Variants in PACS2 observed in about 807,000 individuals in gnomAD.
PACS2 encodes the protein phosphofurin acidic cluster sorting protein 2, also known as PACS1-like protein.
In PACS2, 36 loss-of-function variants were observed where a neutral mutation model predicts 113.0. That is an observed-to-expected ratio of 0.32 (90% CI 0.24 to 0.42). The LOEUF (loss-of-function observed/expected upper bound fraction) is 0.42. PACS2 is among the 10% of genes least tolerant of loss of function. The pLI is 1.00. For synonymous variants in PACS2, 589 were observed against 536.1 expected, an observed-to-expected ratio of 1.10 and a Z score of -1.36; for missense variants, 1,015 against 1,239.5, an observed-to-expected ratio of 0.82 and a Z score of 2.72.
upstream of PACS2, among the ~76,000 whole-genome samples, chr14:105,309,911 G>A (rs911796556): frequency 1.4e-4 from 20 of 147,984 alleles, no homozygotes; most frequent in African/African-American, 4.2e-4. The surrounding 1 kb of genome is among the most constrained non-coding windows in gnomAD (Gnocchi z 4.0). Flanking sequence ...TCAGCCTCCC[G>A]ACTAGCTGGG....
upstream of PACS2, among the ~76,000 whole-genome samples, chr14:105,309,576 A>C (rs1030695668): frequency 2.0e-5 from 3 of 152,184 alleles, no homozygotes; most frequent in African/African-American, 7.2e-5. This position sits in a 1 kb window ranked among gnomAD's most constrained non-coding sequence, Gnocchi z 4.0. Flanking sequence ...CCATGAGCCC[A>C]GGCAAATCTC....
intron 1 of PACS2, among the ~76,000 whole-genome samples, chr14:105,333,402 G>A (rs974723761): frequency 1.3e-5 from 2 of 152,250 alleles, no homozygotes; most frequent in Non-Finnish European, 2.9e-5. Context: ...TGCAGCACAG[G>A]CCGGCCAGTC....
Position 105,376,247 on chromosome 14 carries a change from G to T in PACS2, c.802-521G>T, listed in dbSNP as rs1405606588. Among the ~76,000 whole-genome samples the T allele has an allele frequency of 6.6e-6, 1 of 151,922 alleles. No homozygotes were observed. Among genetic ancestry groups the T allele is most frequent in the Non-Finnish European group, 1.5e-5 (1 of 67,980 alleles). Reference sequence around the variant, plus strand: ...CACAGTGGAACATGAAGTGTGCCACGCTGGGTGGATGACGCCCTCCTCCCC... The same window carrying T: ...CACAGTGGAACATGAAGTGTGCCACTCTGGGTGGATGACGCCCTCCTCCCC... On this transcript the variant is annotated intron_variant, in intron 8 of 24. Transcript: ENST00000447393. The surrounding 1 kb of genome is among the most constrained non-coding windows in gnomAD (Gnocchi z 4.7).
chr14:105,333,929 G>A (rs1441084862), intron 1 of PACS2, among the ~76,000 whole-genome samples: 2 of 152,290 alleles, frequency 1.3e-5, no homozygotes, highest in African/African-American at 2.4e-5. Flanking sequence ...TGCCTCACCC[G>A]GGCTAAAATA....
At position 105,314,990 on chromosome 14, in the gene PACS2, G is replaced by C. The variant is rs767806548; in HGVS notation, c.72G>C (p.Leu24=). 35 of 1,252,436 alleles carry C rather than the reference G, an allele frequency of 2.8e-5. No homozygotes were observed. The highest frequency in any genetic ancestry group is 3.6e-5 in the Non-Finnish European group (35 of 977,634). 77.6% of individuals were successfully genotyped at this position (1,252,436 alleles called of 1,614,324 possible). The change falls in exon 1 of 25, where the codon CTG becomes CTC. Residue 24 remains leucine, a synonymous_variant. Transcript: ENST00000447393. The part of the protein sequence containing the change: ...GALNTPVPMN[L]FATWEVDGSS... ...TCAACACGCCCGTGCCCATGAACCT[G>C]TTCGCCACCTGGGAGGTGGACGGCT...
At chr14:105,345,299 C>T (rs1392296088) in intron 1 of PACS2, among the ~76,000 whole-genome samples, 5 of 145,216 alleles carry the variant, frequency 3.4e-5, no homozygotes, top group East Asian at 2.1e-4. Context: ...CCCAGCTACT[C>T]GGGAGGCTGA....
intron 1 of PACS2, among the ~76,000 whole-genome samples, chr14:105,307,184 C>T (rs961463514): frequency 6.6e-6 from 1 of 150,700 alleles, no homozygotes; most frequent in African/African-American, 2.4e-5. Context: ...TACTGAGATC[C>T]CAGGCTTGAG....
intron 1 of PACS2, among the ~76,000 whole-genome samples, chr14:105,302,272 CG>C (rs965413586): frequency 7.0e-6 from 1 of 143,070 alleles, no homozygotes; most frequent in African/African-American, 2.6e-5. Flanking sequence ...GGTGAGATAT[CG>C]GCTCACTGCA....
rs118171678 is a variant in PACS2 at position 105,348,717 on chromosome 14, G to C, written c.207+137G>C. On this transcript the variant is annotated intron_variant, in intron 2 of 24. Transcript: ENST00000447393. The surrounding 1 kb of genome is among the most constrained non-coding windows in gnomAD (Gnocchi z 6.4). The stretch of plus-strand genomic sequence containing the variant: ...CAGCCCATGCCATCTCCGGGAGCCC[G>C]GGGGGCTGGGAATGACAGGATGCTC... 1.5e-5 allele frequency: 10 copies of C among 679,804 alleles called. No individual in the cohort carries two copies. Among genetic ancestry groups the C allele is most frequent in the Non-Finnish European group, 2.4e-5 (9 of 381,680 alleles). The allele number at this position is 679,804 out of a possible 1,614,324, so 42.1% of individuals were successfully genotyped here.
chr14:105,317,429 T>G lies in PACS2; in HGVS notation c.119+2392T>G, dbSNP rs745794128. Among the ~76,000 whole-genome samples the G allele has an allele frequency of 3.9e-5, 6 of 152,314 alleles. No homozygotes were observed. In the Middle Eastern group the frequency reaches 0.014, roughly 345 times the overall value. ...GGCAGTTTTCCAGAGTGGTTGTGCC[T>G]GCTCCGGCCCCCACTGACAGGGACG... On this transcript the variant is annotated intron_variant, in intron 1 of 24. Transcript: ENST00000447393. The surrounding 1 kb of genome is among the most constrained non-coding windows in gnomAD (Gnocchi z 4.2).
upstream of PACS2, among the ~76,000 whole-genome samples, chr14:105,310,597 C>A (rs2058327383): frequency 6.7e-6 from 1 of 148,156 alleles, no homozygotes; most frequent in Admixed American, 6.7e-5. Flanking sequence ...TTACAAAGAT[C>A]ATCCTCAATA....
intron 1 of PACS2, among the ~76,000 whole-genome samples, chr14:105,316,908 C>T (rs138143142): frequency 3.5e-3 from 533 of 151,874 alleles, no homozygotes; most frequent in East Asian, 0.012. Context: ...GGGCGAGTGG[C>T]GCAGCTGACC....
chr14:105,391,162 G>C, intron 20 of PACS2, 45 bp from the exon 21 acceptor site: 1 of 1,535,464 alleles, frequency 6.5e-7, no homozygotes, highest in Non-Finnish European at 9.0e-7. Flanking sequence ...CGCTGGGCTA[G>C]CTGAATTGCA....
chr14:105,315,432 C>CTT lies in PACS2; in HGVS notation c.119+396_119+397insTT, dbSNP rs905979900. 3.9e-5 allele frequency: 6 copies of CTT among 152,296 alleles called. No homozygotes were observed. The highest frequency in any genetic ancestry group is 1.4e-4 in the African/African-American group (6 of 41,470). The allele number at this position is 152,296 out of a possible 1,614,324, so 9.4% of individuals were successfully genotyped here. A position where few individuals can be genotyped will look rare whatever the true frequency, so the allele number is the denominator to read the frequency against. ...ACGCTTCCTTTCGCGTTCGGCGACA[C>CTT]TGTCAGACCTCGGCCTGGGAGCGAC... On this transcript the variant is annotated intron_variant, in intron 1 of 24. Coordinates refer to ENST00000447393, the MANE Select transcript of PACS2 (RefSeq NM_001100913.3). This position sits in a 1 kb window ranked among gnomAD's most constrained non-coding sequence, Gnocchi z 4.4.
At chr14:105,316,113 T>A (rs2140775350) in intron 1 of PACS2, among the ~76,000 whole-genome samples, 1 of 152,310 alleles carries the variant, frequency 6.6e-6, no homozygotes, top group Non-Finnish European at 1.5e-5. Context: ...ACAGTGGGGC[T>A]TGCCCTCCTG....
chr14:105,380,918 G>A, intron 11 of PACS2, 39 bp from the exon 12 acceptor site: 1 of 1,580,312 alleles, frequency 6.3e-7, no homozygotes. Context: ...CACGGGTGTG[G>A]TTTCCACGGG....
intron 19 of PACS2, 77 bp from the exon 20 acceptor site, chr14:105,389,884 A>G (rs953830500): frequency 3.3e-5 from 44 of 1,353,398 alleles, no homozygotes; most frequent in Non-Finnish European, 4.5e-5. Flanking sequence ...CCAGGTTCTC[A>G]GGCCAAGAGG....
At position 105,317,627 on chromosome 14, in the gene PACS2, C is replaced by G. The variant is rs1175020640; in HGVS notation, c.119+2590C>G. On this transcript the variant is annotated intron_variant, in intron 1 of 24. Transcript: ENST00000447393. The surrounding 1 kb of genome is among the most constrained non-coding windows in gnomAD (Gnocchi z 4.2). ...TGTTCCTTTGCCAGTTTTTTTTTCT[C>G]TTTTTTTCTGCTTGAGTTTCAGCAG... Among the ~76,000 whole-genome samples the G allele has an allele frequency of 6.6e-6, 1 of 151,642 alleles. No homozygotes were observed. Among genetic ancestry groups the G allele is most frequent in the Non-Finnish European group, 1.5e-5 (1 of 67,896 alleles).
chr14:105,382,525 G>T lies in PACS2; in HGVS notation c.1462G>T (p.Asp488Tyr), dbSNP rs781870630. 6.2e-7 allele frequency: 1 copy of T among 1,613,480 alleles called. No individual in the cohort carries two copies. The highest frequency in any genetic ancestry group is 1.1e-5 in the South Asian group (1 of 91,066). Residue 488 changes from aspartate (D) to tyrosine (Y), a missense_variant, in exon 14 of 25, where the codon GAT becomes TAT. Around this residue, in one of 3 missense-constraint regions of PACS2, gnomAD observed 859 missense variants for 1,056.8 expected, o/e 0.81. Transcript: ENST00000447393. ...CCAGCTCAACCACATCCTCATCTCC[G>T]ATGACCAGCTTCCCGAAAACATCAT... Reference protein sequence around the residue: ...YDQLNHILISDDQLPENIILV... With the variant: ...YDQLNHILISYDQLPENIILV...
Sources: allele counts gnomAD v4.1 joint callset (sites outside exome capture counted in the v4.1 genomes callset), GRCh38; gene constraint gnomAD v4.1.1; regional missense constraint gnomAD v4.1.1; non-coding constraint Gnocchi (gnomAD v3.1); transcripts MANE v1.5; gene names NCBI Gene and HGNC (gene_info 2026-07-23, HGNC 2026-07-21).